The following SPATS2L variants were observed in gnomAD, a reference collection of about 807,000 sequenced individuals.
SPATS2L encodes the protein spermatogenesis associated serine rich 2 like, also known as SPATS2-like protein.
SPATS2L carries 30 observed loss-of-function variants against 59.6 expected under a neutral mutation model. The ratio of observed to expected loss-of-function variants is 0.50; its 90% CI spans 0.38 to 0.68. SPATS2L has a LOEUF of 0.68. Among genes scored for constraint, SPATS2L ranks in the 30% least tolerant of loss-of-function variants. The pLI, the probability that SPATS2L is intolerant of heterozygous loss-of-function variation, is 0.00. For synonymous variants in SPATS2L, 252 were observed against 263.5 expected, an observed-to-expected ratio of 0.96 and a Z score of 0.42; for missense variants, 615 against 700.0, an observed-to-expected ratio of 0.88 and a Z score of 1.37.
intron 3 of SPATS2L, among the ~76,000 whole-genome samples, chr2:200,402,784 A>G (rs1283216780): frequency 6.6e-6 from 1 of 152,232 alleles, no homozygotes; most frequent in Non-Finnish European, 1.5e-5. Flanking sequence ...GGAAGTTTTT[A>G]TGGTAATACT....
intron 2 of SPATS2L, among the ~76,000 whole-genome samples, chr2:200,375,846 C>G (rs1383336628): frequency 1.3e-5 from 2 of 152,126 alleles, no homozygotes; most frequent in Non-Finnish European, 2.9e-5. Flanking sequence ...AGGCTGCTCT[C>G]GAACTCCTGG....
chr2:200,449,067 T>G (rs1439037753), intron 8 of SPATS2L, among the ~76,000 whole-genome samples: 1 of 152,250 alleles, frequency 6.6e-6, no homozygotes, highest in African/African-American at 2.4e-5. Context: ...GGCAAGTCCC[T>G]GTAGTGCAGT....
At chr2:200,333,827 T>C (rs2080043208) in intron 2 of SPATS2L, among the ~76,000 whole-genome samples, 2 of 152,214 alleles carry the variant, frequency 1.3e-5, no homozygotes, top group African/African-American at 2.4e-5. Flanking sequence ...ACAAAGGACA[T>C]GAACTCATCA....
Position 200,477,781 on chromosome 2 carries a change from A to C in SPATS2L, c.1427A>C (p.His476Pro), listed in dbSNP as rs939162648. 1.9e-6 allele frequency: 3 copies of C among 1,579,208 alleles called. No homozygotes were observed. Among genetic ancestry groups the C allele is most frequent in the African/African-American group, 2.7e-5 (2 of 74,024 alleles). ...NSRHEHRRQP[H>P]NGFRPKNKGG... ...CGCCACGAACACAGAAGACAGCCGC[A>C]CAACGGCTTCCGGCCCAAAAACAAA... Residue 476 changes from histidine (H) to proline (P), a missense_variant, in exon 13 of 13, where the codon CAC becomes CCC. Coordinates refer to ENST00000409140, the MANE Select transcript of SPATS2L (RefSeq NM_001100423.2).
chr2:200,427,861 A>T (rs1338496302), intron 6 of SPATS2L, among the ~76,000 whole-genome samples: 2 of 152,088 alleles, frequency 1.3e-5, no homozygotes, highest in African/African-American at 4.8e-5. Context: ...AATAATTATG[A>T]GAGAATGGTT....
intron 6 of SPATS2L, among the ~76,000 whole-genome samples, chr2:200,434,763 C>T (rs902846451): frequency 1.3e-5 from 2 of 151,892 alleles, no homozygotes; most frequent in Non-Finnish European, 2.9e-5. Flanking sequence ...GTTAAGATAC[C>T]GCATATCCCC....
At chr2:200,321,296 A>T (rs752057506) in intron 1 of SPATS2L, among the ~76,000 whole-genome samples, 6 of 152,294 alleles carry the variant, frequency 3.9e-5, no homozygotes, top group Non-Finnish European at 7.3e-5. Context: ...CTGGCTATAC[A>T]ACTTACGTAG....
chr2:200,396,986 G>C (rs117877681), intron 3 of SPATS2L, among the ~76,000 whole-genome samples: 1 of 152,320 alleles, frequency 6.6e-6, no homozygotes, highest in East Asian at 1.9e-4. Context: ...GCAACTAGAA[G>C]AGATTTGACA....
At chr2:200,364,565 T>C (rs1439242237) in intron 2 of SPATS2L, among the ~76,000 whole-genome samples, 2 of 152,184 alleles carry the variant, frequency 1.3e-5, no homozygotes, top group Non-Finnish European at 2.9e-5. Flanking sequence ...TCTCCTAGGG[T>C]TCATCATTTA....
At chr2:200,355,651 C>G (rs1417209916) in intron 2 of SPATS2L, among the ~76,000 whole-genome samples, 1 of 152,234 alleles carries the variant, frequency 6.6e-6, no homozygotes, top group Non-Finnish European at 1.5e-5. Context: ...ACTAGAAGTT[C>G]TGAATTGAGT....
chr2:200,447,643 A>C (rs2085138475), intron 8 of SPATS2L, among the ~76,000 whole-genome samples: 1 of 152,214 alleles, frequency 6.6e-6, no homozygotes. Context: ...TGTTAAAGCA[A>C]CGTGGCTGAA....
intron 2 of SPATS2L, among the ~76,000 whole-genome samples, chr2:200,333,629 T>G (rs2080034994): frequency 6.6e-6 from 1 of 152,096 alleles, no homozygotes; most frequent in Non-Finnish European, 1.5e-5. Flanking sequence ...ATTAGGTATA[T>G]CTCCTAATGC....
intron 2 of SPATS2L, among the ~76,000 whole-genome samples, chr2:200,341,931 G>A (rs772863879): frequency 6.6e-6 from 1 of 151,872 alleles, no homozygotes; most frequent in Non-Finnish European, 1.5e-5. Flanking sequence ...ACCACGATCC[G>A]CCTACCTCAG....
At chr2:200,348,209 G>C (rs1007058529) in intron 2 of SPATS2L, among the ~76,000 whole-genome samples, 1 of 152,176 alleles carries the variant, frequency 6.6e-6, no homozygotes, top group Non-Finnish European at 1.5e-5. Flanking sequence ...CTAGTGTTCT[G>C]AGTTTAGATG....
rs139487641 is a variant in SPATS2L at position 200,469,614 on chromosome 2, A to G, written c.958-300A>G. On this transcript the variant is annotated intron_variant, in intron 10 of 12. Coordinates refer to ENST00000409140, the MANE Select transcript of SPATS2L (RefSeq NM_001100423.2). ...AGACCCTGCCAGAATGCAATTCAGA[A>G]AAGTACTAGGAGGGCGAGGGGTGCT... The G allele has an allele frequency of 1.2e-3, 305 of 245,146 alleles. 4 individuals carry two copies. The East Asian group carries it at 0.02, about 16-fold the overall frequency. 15.2% of individuals were successfully genotyped at this position (245,146 alleles called of 1,614,324 possible). A position where few individuals can be genotyped will look rare whatever the true frequency, so the allele number is the denominator to read the frequency against.
At chr2:200,417,350 G>GT (rs373628016) in intron 5 of SPATS2L, among the ~76,000 whole-genome samples, 9 of 149,648 alleles carry the variant, frequency 6.0e-5, no homozygotes, top group South Asian at 2.1e-4. Flanking sequence ...AAAATTATGA[G>GT]TTTTTTTTTT....
rs190051493 is a variant in SPATS2L at position 200,464,838 on chromosome 2, A to C, written c.848-2452A>C. ...AGAACATACCTCATTTCATCTTCCTACTTGAATTGTTTTCTCATGCTGCAG... is the reference window on the plus strand; with the variant it reads ...AGAACATACCTCATTTCATCTTCCTCCTTGAATTGTTTTCTCATGCTGCAG... On this transcript the variant is annotated intron_variant, in intron 9 of 12. Transcript: ENST00000409140. Among the ~76,000 whole-genome samples the C allele has an allele frequency of 3.8e-3, 577 of 152,276 alleles. 6 individuals carry two copies. The highest frequency in any genetic ancestry group is 0.013 in the African/African-American group (553 of 41,542).
chr2:200,392,054 T>G (rs1396250589), intron 3 of SPATS2L, among the ~76,000 whole-genome samples: 1 of 152,248 alleles, frequency 6.6e-6, no homozygotes, highest in South Asian at 2.1e-4. Flanking sequence ...TTTGTGATAC[T>G]TATTATGAAA....
At position 200,480,519 on chromosome 2, in the gene SPATS2L, A is replaced by G. The variant is rs2087752037; in HGVS notation, c.*2488A>G. On this transcript the variant is annotated 3_prime_UTR_variant, in exon 13 of 13. Coordinates refer to ENST00000409140, the MANE Select transcript of SPATS2L (RefSeq NM_001100423.2). ...CAAGTTGCGAGGACTACAGGTGTGC[A>G]CCACAACGTCCCAGCTACTTTTTAA... 2 of 152,180 alleles carry G rather than the reference A, an allele frequency of 1.3e-5. No individual in the cohort carries two copies. Among genetic ancestry groups the G allele is most frequent in the South Asian group, 4.2e-4 (2 of 4,816 alleles). 9.4% of individuals were successfully genotyped at this position (152,180 alleles called of 1,614,324 possible). A position where few individuals can be genotyped will look rare whatever the true frequency, so the allele number is the denominator to read the frequency against.
Sources: allele counts gnomAD v4.1 joint callset (sites outside exome capture counted in the v4.1 genomes callset), GRCh38; gene constraint gnomAD v4.1.1; transcripts MANE v1.5; gene names NCBI Gene and HGNC (gene_info 2026-07-23, HGNC 2026-07-21).